The following BTAF1 variants were observed in gnomAD, a reference collection of about 807,000 sequenced individuals.
BTAF1 encodes B-TFIID TATA-box binding protein associated factor 1.
Under a neutral mutation model 227.1 loss-of-function variants are expected in BTAF1, and 38 were observed. That is an observed-to-expected ratio of 0.17 (90% CI 0.13 to 0.22). BTAF1 has a LOEUF of 0.22. Ranked by LOEUF, BTAF1 falls within the 10% of genes least tolerant of loss-of-function variation. BTAF1 has a pLI of 1.00. For missense variants in BTAF1, 1,598 were observed against 2,204.0 expected (o/e 0.73, Z 5.51); for synonymous variants, 742 against 751.9 (o/e 0.99, Z 0.21).
Position 91,973,561 on chromosome 10 carries a change from G to A in BTAF1, c.1650+6804G>A, listed in dbSNP as rs183454544. 1.4e-4 allele frequency among the ~76,000 whole-genome samples: 22 copies of A among 152,152 alleles called. 1 individual carries two copies. The highest frequency in any genetic ancestry group is 1.4e-3 in the Admixed American group (22 of 15,274). On this transcript the variant is annotated intron_variant, in intron 14 of 37. Transcript: ENST00000265990. The stretch of plus-strand genomic sequence containing the variant: ...TGTGCTAAGCAGTTTACATGAGGTG[G>A]CTACTGCCATTCCTGTTTTGCAGAT...
Position 91,982,578 on chromosome 10 carries a change from C to T in BTAF1, c.2049-9C>T, listed in dbSNP as rs1473121634. ...TTTCTTATAGTAACTTCCTTTTTCT[C>T]CCTCTTAGGTTGTTAGGAGCACTTT... On this transcript the variant is annotated splice_polypyrimidine_tract_variant and intron_variant, in intron 17 of 37. Transcript: ENST00000265990. The T allele has an allele frequency of 6.3e-7, 1 of 1,583,510 alleles. No individual in the cohort carries two copies. The highest frequency in any genetic ancestry group is 8.6e-7 in the Non-Finnish European group (1 of 1,167,312).
At chr10:91,975,004 G>A (rs1442983482) in intron 14 of BTAF1, among the ~76,000 whole-genome samples, 4 of 152,044 alleles carry the variant, frequency 2.6e-5, no homozygotes, top group Admixed American at 6.5e-5. Context: ...GTGTTTGTAC[G>A]TGCTAGAGTA....
intron 13 of BTAF1, 50 bp from the exon 14 acceptor site, chr10:91,966,587 C>A (rs763850648): frequency 6.3e-7 from 1 of 1,582,666 alleles, no homozygotes. Flanking sequence ...AATGTATCTA[C>A]AGAGTTACAA....
intron 25 of BTAF1, 28 bp downstream of exon 25, chr10:91,997,779 CAT>C: frequency 6.2e-7 from 1 of 1,605,916 alleles, no homozygotes; most frequent in Non-Finnish European, 8.5e-7. Context: ...GCTTTAAAGA[CAT>C]AATGTTTTCT....
At chr10:91,976,715 A>G (rs1847719986) in intron 14 of BTAF1, among the ~76,000 whole-genome samples, 1 of 152,310 alleles carries the variant, frequency 6.6e-6, no homozygotes, top group East Asian at 1.9e-4. Flanking sequence ...AATTTTGCAT[A>G]TTGGCAACTA....
rs897220241 is a variant in BTAF1 at position 92,031,147 on chromosome 10, A to ATAGC, written c.*2215_*2218dup. Among the ~76,000 whole-genome samples the ATAGC allele has an allele frequency of 2.0e-5, 3 of 152,334 alleles. No homozygotes were observed. The highest frequency in any genetic ancestry group is 7.2e-5 in the African/African-American group (3 of 41,588). ...GGTTTTTGTGTCTTTATGATAGGAAATAGCAAACTGTTAAAAATATAGATT... is the reference window on the plus strand; with the variant it reads ...GGTTTTTGTGTCTTTATGATAGGAAATAGCTAGCAAACTGTTAAAAATATAGATT... On this transcript the variant is annotated 3_prime_UTR_variant, in exon 38 of 38. Coordinates refer to ENST00000265990, the MANE Select transcript of BTAF1 (RefSeq NM_003972.3).
intron 25 of BTAF1, among the ~76,000 whole-genome samples, chr10:92,004,031 AT>A (rs918427522): frequency 1.1e-4 from 17 of 148,068 alleles, no homozygotes; most frequent in African/African-American, 3.2e-4. Context: ...GGCCATTTGT[AT>A]TTTTTTTTTA....
At chr10:92,006,126 G>A (rs148041108) in intron 25 of BTAF1, among the ~76,000 whole-genome samples, 4 of 152,058 alleles carry the variant, frequency 2.6e-5, no homozygotes, top group African/African-American at 4.8e-5. Context: ...CACCACACCC[G>A]GCCAGTATTT....
intron 8 of BTAF1, among the ~76,000 whole-genome samples, chr10:91,957,790 T>C (rs1338672458): frequency 6.6e-6 from 1 of 152,204 alleles, no homozygotes; most frequent in Non-Finnish European, 1.5e-5. Flanking sequence ...TTATTTAGAA[T>C]ACCTTTTAGT....
intron 14 of BTAF1, 64 bp downstream of exon 14, chr10:91,966,821 G>C: frequency 6.8e-7 from 1 of 1,477,534 alleles, no homozygotes; most frequent in Non-Finnish European, 9.1e-7. Flanking sequence ...AATAAACCTG[G>C]TCTTTAGCTT....
intron 18 of BTAF1, among the ~76,000 whole-genome samples, chr10:91,983,593 CAGTT>C (rs112129046): frequency 6.6e-6 from 1 of 152,290 alleles, no homozygotes; most frequent in African/African-American, 2.4e-5. Context: ...CAAGTGTTGA[CAGTT>C]AGGTTTCTGG....
chr10:91,923,978 T>G lies in BTAF1; in HGVS notation c.-99T>G, dbSNP rs1843652608. 1 of 1,447,010 alleles carries G rather than the reference T, an allele frequency of 6.9e-7. No individual in the cohort carries two copies. The highest frequency in any genetic ancestry group is 1.5e-5 in the African/African-American group (1 of 68,158). The allele number at this position is 1,447,010 out of a possible 1,614,324, so 89.6% of individuals were successfully genotyped here. A position where few individuals can be genotyped will look rare whatever the true frequency, so the allele number is the denominator to read the frequency against. ...CGCCGCACCGGCCGCTCCCCTGTGC[T>G]CCGCGGCCTGGGCCTGCGCCGCTCA... is the stretch of plus-strand genomic sequence containing the variant. On this transcript the variant is annotated 5_prime_UTR_variant, in exon 1 of 38. Coordinates refer to ENST00000265990, the MANE Select transcript of BTAF1 (RefSeq NM_003972.3).
chr10:91,964,352 CT>C, intron 13 of BTAF1, 151 bp downstream of exon 13: 1 of 844,726 alleles, frequency 1.2e-6, no homozygotes, highest in Non-Finnish European at 1.8e-6. Flanking sequence ...AAGGCCTTGT[CT>C]TTTTTACTCT....
intron 28 of BTAF1, among the ~76,000 whole-genome samples, 158 bp downstream of exon 28, chr10:92,009,366 C>T (rs1008382722): frequency 1.3e-5 from 2 of 152,296 alleles, no homozygotes; most frequent in Non-Finnish European, 2.9e-5. Context: ...AAGATATAAT[C>T]AGTGAGGCTC....
intron 4 of BTAF1, among the ~76,000 whole-genome samples, chr10:91,942,976 ATAT>A (rs1845112878): frequency 1.3e-5 from 2 of 152,254 alleles, no homozygotes; most frequent in South Asian, 4.1e-4. Flanking sequence ...CATATTTCTG[ATAT>A]TATTGGGTTT....
At chr10:91,931,251 A>G (rs1209667396) in intron 1 of BTAF1, among the ~76,000 whole-genome samples, 1 of 152,218 alleles carries the variant, frequency 6.6e-6, no homozygotes. Flanking sequence ...TACATGAATC[A>G]TATCTTGTTT....
intron 4 of BTAF1, among the ~76,000 whole-genome samples, chr10:91,948,359 A>G (rs1415192321): frequency 6.8e-6 from 1 of 147,626 alleles, no homozygotes; most frequent in Non-Finnish European, 1.5e-5. Context: ...TATATTTTTC[A>G]GTTTTAGAAC....
In BTAF1 at chr10:91,957,313, GTTTTTCTCAGCTCTA is replaced by G. The variant is rs779666789; in HGVS notation, c.900+25_900+39del. On this transcript the variant is annotated intron_variant, in intron 8 of 37. Transcript: ENST00000265990. The stretch of plus-strand genomic sequence containing the variant: ...TGGGAGGTAAGATTTCTTCATTACA[GTTTTTCTCAGCTCTA>G]TTTTCTGTGCTAATGAAGGGAACAA... 6.3e-6 allele frequency: 10 copies of G among 1,583,738 alleles called. No individual in the cohort carries two copies. The East Asian group carries it at 1.1e-4, about 18-fold the overall frequency.
intron 1 of BTAF1, among the ~76,000 whole-genome samples, chr10:91,934,518 T>G (rs1328002557): frequency 6.6e-6 from 1 of 152,164 alleles, no homozygotes; most frequent in Non-Finnish European, 1.5e-5. Flanking sequence ...ATTACAGACA[T>G]GACCACGCCC....
Sources: allele counts gnomAD v4.1 joint callset (sites outside exome capture counted in the v4.1 genomes callset), GRCh38; gene constraint gnomAD v4.1.1; transcripts MANE v1.5; gene names NCBI Gene and HGNC (gene_info 2026-07-23, HGNC 2026-07-21).